The following IL17RD variants were observed in gnomAD, a reference collection of about 807,000 sequenced individuals.
The protein encoded by IL17RD is interleukin-17 receptor D.
IL17RD carries 52 observed loss-of-function variants against 80.5 expected under a neutral mutation model. That is an observed-to-expected ratio of 0.65 (90% confidence interval 0.52 to 0.81). IL17RD has a LOEUF of 0.81. Ranked by LOEUF, IL17RD falls within the 40% of genes least tolerant of loss-of-function variation. The pLI, the probability that IL17RD is intolerant of heterozygous loss-of-function variation, is 0.00. For synonymous variants in IL17RD, 416 were observed against 391.8 expected (o/e 1.06, Z -0.73); for missense variants, 1,024 against 955.1 (o/e 1.07, Z -0.95).
At chr3:57,139,089 AG>A (rs1292858845) in intron 1 of IL17RD, among the ~76,000 whole-genome samples, 2 of 152,138 alleles carry the variant, frequency 1.3e-5, no homozygotes, top group Non-Finnish European at 2.9e-5. Context: ...CAGGATTAAA[AG>A]GCAGGACGTC....
chr3:57,100,315 G>A (rs1706798814), intron 11 of IL17RD, among the ~76,000 whole-genome samples: 1 of 152,206 alleles, frequency 6.6e-6, no homozygotes, highest in South Asian at 2.1e-4. Flanking sequence ...CACATGGAGA[G>A]ATTCTGAAAA....
chr3:57,148,027 A>G (rs1461733027), intron 1 of IL17RD, among the ~76,000 whole-genome samples: 1 of 149,110 alleles, frequency 6.7e-6, no homozygotes, highest in Non-Finnish European at 1.5e-5. Flanking sequence ...CATATAAAAA[A>G]TAAAGAATGT....
At chr3:57,101,469 G>C in intron 10 of IL17RD, 106 bp from the exon 11 acceptor site, 1 of 693,092 alleles carries the variant, frequency 1.4e-6, no homozygotes, top group Non-Finnish European at 2.3e-6. Flanking sequence ...CGTCTACCTA[G>C]AGCAGTCCCA....
chr3:57,144,454 G>C (rs1230824657), intron 1 of IL17RD, among the ~76,000 whole-genome samples: 1 of 152,204 alleles, frequency 6.6e-6, no homozygotes, highest in Non-Finnish European at 1.5e-5. Context: ...CAGGATGCCA[G>C]TGCAAGCTAT....
At chr3:57,158,951 C>G (rs1022743736) in intron 1 of IL17RD, among the ~76,000 whole-genome samples, 1 of 152,176 alleles carries the variant, frequency 6.6e-6, no homozygotes, top group Non-Finnish European at 1.5e-5. Context: ...CAGGTAGAAT[C>G]TGCAAATAGA....
At chr3:57,130,059 A>C (rs1707573392) in intron 1 of IL17RD, among the ~76,000 whole-genome samples, 1 of 152,242 alleles carries the variant, frequency 6.6e-6, no homozygotes, top group African/African-American at 2.4e-5. Flanking sequence ...CTACTGGCCA[A>C]GGCAGGGTGT....
At chr3:57,164,859 G>A in intron 1 of IL17RD, 1 of 1,148,982 alleles carries the variant, frequency 8.7e-7, no homozygotes, top group Non-Finnish European at 1.1e-6. Context: ...AAAGGGTGGG[G>A]CGCCCGGCCC....
chr3:57,130,831 C>CA (rs1707592090), intron 1 of IL17RD, among the ~76,000 whole-genome samples: 2 of 152,144 alleles, frequency 1.3e-5, no homozygotes, highest in Non-Finnish European at 2.9e-5. Flanking sequence ...TGCCCAGCCA[C>CA]AAAGCCAACA....
chr3:57,141,557 A>G (rs1559482045), intron 1 of IL17RD, among the ~76,000 whole-genome samples: 1 of 152,228 alleles, frequency 6.6e-6, no homozygotes, highest in East Asian at 1.9e-4. Context: ...AGTGATTATT[A>G]AACATTAATT....
chr3:57,109,530 T>C lies in IL17RD; in HGVS notation c.550+7A>G, dbSNP rs893324049. 1 of 1,612,644 alleles carries C rather than the reference T, an allele frequency of 6.2e-7. No homozygotes were observed. Among genetic ancestry groups the C allele is most frequent in the Non-Finnish European group, 8.5e-7 (1 of 1,179,504 alleles). ...CATGGGAACCAGGCAGGAAAGGCCATACTCACCTCGGGTTCTAAAGAAGAA... is the reference window on the plus strand; with the variant it reads ...CATGGGAACCAGGCAGGAAAGGCCACACTCACCTCGGGTTCTAAAGAAGAA... On this transcript the variant is annotated splice_region_variant and intron_variant, in intron 5 of 12. Transcript: ENST00000296318.
chr3:57,120,404 C>T, intron 1 of IL17RD, 91 bp from the exon 2 acceptor site: 2 of 875,372 alleles, frequency 2.3e-6, no homozygotes, highest in Admixed American at 3.8e-5. Context: ...AGCAGCACTG[C>T]TGAGACCCAG....
At chr3:57,166,692 A>T (rs2060349951), upstream of IL17RD, among the ~76,000 whole-genome samples, 1 of 151,920 alleles carries the variant, frequency 6.6e-6, no homozygotes, top group Non-Finnish European at 1.5e-5. Context: ...TTTCTCTTCC[A>T]CTCTGTCTTT....
intron 1 of IL17RD, chr3:57,164,900 A>C: frequency 2.5e-6 from 3 of 1,218,666 alleles, no homozygotes; most frequent in Non-Finnish European, 3.1e-6. Context: ...CCGCCCTCTG[A>C]ATGGGACCCC....
intron 3 of IL17RD, among the ~76,000 whole-genome samples, chr3:57,112,074 AGG>A (rs1707113235): frequency 6.6e-6 from 1 of 152,144 alleles, no homozygotes; most frequent in Non-Finnish European, 1.5e-5. Flanking sequence ...CAAGGTTCTG[AGG>A]CCGAGGGAAG....
chr3:57,117,432 T>G (rs1257742791), intron 2 of IL17RD, among the ~76,000 whole-genome samples: 1 of 152,112 alleles, frequency 6.6e-6, no homozygotes, highest in Non-Finnish European at 1.5e-5. Context: ...GTCTAAGAAT[T>G]AAGAAAATTT....
chr3:57,114,881 T>C, intron 2 of IL17RD, 64 bp from the exon 3 acceptor site: 1 of 1,374,748 alleles, frequency 7.3e-7, no homozygotes, highest in South Asian at 1.5e-5. Context: ...CAGGTTCATC[T>C]TATCAAAATA....
At chr3:57,103,765 C>T (rs962983365) in intron 8 of IL17RD, among the ~76,000 whole-genome samples, 18 of 152,014 alleles carry the variant, frequency 1.2e-4, no homozygotes, top group African/African-American at 3.9e-4. Context: ...AGTGCAGTGG[C>T]GCAATTTCAG....
chr3:57,163,192 G>T (rs1202375812), intron 1 of IL17RD, among the ~76,000 whole-genome samples: 1 of 152,192 alleles, frequency 6.6e-6, no homozygotes, highest in Non-Finnish European at 1.5e-5. Flanking sequence ...TCTGGAACAT[G>T]GCCCAGAGGC....
chr3:57,138,864 G>A (rs1468175114), intron 1 of IL17RD, among the ~76,000 whole-genome samples: 4 of 150,958 alleles, frequency 2.6e-5, no homozygotes, highest in South Asian at 4.2e-4. Flanking sequence ...GCTTCAACCC[G>A]GGAGGCAGAG....
Sources: gnomAD v4.1 joint callset for allele counts (sites outside exome capture counted in the v4.1 genomes callset) on GRCh38, gnomAD v4.1.1 for gene constraint, MANE v1.5 for transcripts, NCBI Gene and HGNC (gene_info 2026-07-23, HGNC 2026-07-21) for gene names.